The following DNMT3B variants were observed in gnomAD, a reference collection of about 807,000 sequenced individuals.
DNMT3B encodes the protein DNA methyltransferase 3 beta.
In DNMT3B, 37 loss-of-function variants were observed where a neutral mutation model predicts 120.2. That is an observed-to-expected ratio of 0.31 (90% CI 0.24 to 0.40). The LOEUF (loss-of-function observed/expected upper bound fraction) is 0.40. Ranked by LOEUF, DNMT3B falls within the 10% of genes least tolerant of loss-of-function variation. DNMT3B has a pLI of 1.00. For synonymous variants in DNMT3B, 412 were observed against 442.8 expected, an observed-to-expected ratio of 0.93 and a Z score of 0.87; for missense variants, 878 against 1,137.3, an observed-to-expected ratio of 0.77 and a Z score of 3.28.
Position 32,787,534 on chromosome 20 carries a change from CAG to C in DNMT3B, c.654+86_654+87del. On this transcript the variant is annotated intron_variant, in intron 6 of 22. Coordinates refer to ENST00000328111, the MANE Select transcript of DNMT3B (RefSeq NM_006892.4). ...ACCAGTTACCTGCTACTGTTGGTAA[CAG>C]AGCGACAACAGTTGTTAGAAGTTTC... 6 of 1,433,926 alleles carry C rather than the reference CAG, an allele frequency of 4.2e-6. No individual in the cohort carries two copies. In the South Asian group the frequency reaches 4.8e-5, roughly 12 times the overall value. 88.8% of individuals were successfully genotyped at this position (1,433,926 alleles called of 1,614,324 possible). A position where few individuals can be genotyped will look rare whatever the true frequency, so the allele number is the denominator to read the frequency against.
At chr20:32,799,936 T>TGTTTATCTGGCATAC (rs1981115924) in intron 16 of DNMT3B, among the ~76,000 whole-genome samples, 6 of 52,452 alleles carry the variant, frequency 1.1e-4, no homozygotes, top group African/African-American at 4.1e-4. Flanking sequence ...ATAAACTAGT[T>TGTTTATCTGGCATAC]AACAACTACT....
chr20:32,788,811 G>A, intron 6 of DNMT3B, 43 bp from the exon 7 acceptor site: 2 of 1,613,886 alleles, frequency 1.2e-6, no homozygotes, highest in Non-Finnish European at 1.7e-6. Context: ...GGCCCAGGAT[G>A]GCCTCTCCTC....
chr20:32,769,153 C>G (rs769738670), intron 1 of DNMT3B, among the ~76,000 whole-genome samples: 1 of 151,722 alleles, frequency 6.6e-6, no homozygotes, highest in Admixed American at 6.6e-5. Context: ...GGCGAGATCT[C>G]GGCTCACTGC....
chr20:32,782,224 A>G (rs989951077), intron 3 of DNMT3B, among the ~76,000 whole-genome samples: 2 of 152,222 alleles, frequency 1.3e-5, no homozygotes, highest in Non-Finnish European at 2.9e-5. Context: ...TAGGTGGAAG[A>G]CATGAACAGA....
intron 8 of DNMT3B, 108 bp downstream of exon 8, chr20:32,791,816 G>A: frequency 8.1e-7 from 1 of 1,233,032 alleles, no homozygotes; most frequent in Non-Finnish European, 1.2e-6. Context: ...AGGGGACAGG[G>A]TGGCCAGGGA....
chr20:32,802,510 T>G, intron 20 of DNMT3B, 40 bp downstream of exon 20: 1 of 1,573,516 alleles, frequency 6.4e-7, no homozygotes, highest in East Asian at 2.2e-5. Context: ...ACAGCCAAGT[T>G]AAATATGTGA....
chr20:32,781,878 T>G (rs1247148625), intron 3 of DNMT3B, among the ~76,000 whole-genome samples: 1 of 152,196 alleles, frequency 6.6e-6, no homozygotes, highest in East Asian at 1.9e-4. Context: ...CGTGATCAGA[T>G]CAGTTGCAGT....
rs769272662 is a variant in DNMT3B, at chr20:32,796,759, G to A, written c.1298-31G>A. On this transcript the variant is annotated intron_variant, in intron 12 of 22. Coordinates refer to ENST00000328111, the MANE Select transcript of DNMT3B (RefSeq NM_006892.4). The stretch of plus-strand genomic sequence containing the variant: ...AGCAGCTGGTGTCAGGGCCTCAACT[G>A]CCAAAAGCCACAACCCTGTTTTTCT... The A allele has an allele frequency of 3.7e-6, 6 of 1,613,714 alleles. No homozygotes were observed. In the South Asian group the frequency reaches 5.5e-5, roughly 15 times the overall value.
chr20:32,784,843 G>A lies in DNMT3B; in HGVS notation c.290G>A (p.Arg97His), dbSNP rs200902224. Reference protein sequence around the residue: ...MPKLFRETRTRSESPAVRTRN... With the variant: ...MPKLFRETRTHSESPAVRTRN... ...AAGCTCTTCCGGGAAACCAGGACTC[G>A]TTCAGAAAGCCCAGCTGTAAGTAGC... The change falls in exon 4 of 23, where the codon CGT (arginine) becomes CAT (histidine). Residue 97 changes from arginine to histidine, a missense_variant. Around this residue, in one of 4 missense-constraint regions of DNMT3B, gnomAD observed 287 missense variants for 306.2 expected, o/e 0.94. Transcript: ENST00000328111. 4.4e-5 allele frequency: 71 copies of A among 1,614,054 alleles called. No individual in the cohort carries two copies. The highest frequency in any genetic ancestry group is 3.8e-4 in the Admixed American group (23 of 60,016).
rs767169467 is a variant in DNMT3B, at chr20:32,802,487, A to G, written c.2231+17A>G. ...GATGAACAGGTAACAAAGGGCTCTT[A>G]GTGGGTCAGGTAACAGCCAAGTTAA... On this transcript the variant is annotated intron_variant, in intron 20 of 22. Coordinates refer to ENST00000328111, the MANE Select transcript of DNMT3B (RefSeq NM_006892.4). The G allele has an allele frequency of 3.1e-6, 5 of 1,613,110 alleles. No individual in the cohort carries two copies. The highest frequency in any genetic ancestry group is 1.3e-5 in the African/African-American group (1 of 74,926).
In DNMT3B at chr20:32,803,633, G is replaced by A. The variant is rs149968481; in HGVS notation, c.2231+1163G>A. On this transcript the variant is annotated intron_variant, in intron 20 of 22. Transcript: ENST00000328111. ...CAATGATTTGGGGTTTATTGCTGGCGGATGGACATTGGAAGGGTTGATGGG... is the reference window on the plus strand; with the variant it reads ...CAATGATTTGGGGTTTATTGCTGGCAGATGGACATTGGAAGGGTTGATGGG... Among the ~76,000 whole-genome samples the A allele has an allele frequency of 8.5e-5, 13 of 152,280 alleles. No individual in the cohort carries two copies. The East Asian group carries it at 1.9e-3, about 23-fold the overall frequency.
At chr20:32,775,923 C>T (rs778043973) in intron 1 of DNMT3B, among the ~76,000 whole-genome samples, 1 of 152,192 alleles carries the variant, frequency 6.6e-6, no homozygotes, top group Non-Finnish European at 1.5e-5. Flanking sequence ...AGACCTGCCC[C>T]AGGATGGGGT....
intron 14 of DNMT3B, among the ~76,000 whole-genome samples, chr20:32,797,604 C>T (rs1223879052): frequency 6.6e-6 from 1 of 152,130 alleles, no homozygotes; most frequent in African/African-American, 2.4e-5. Context: ...AGCAATCCTC[C>T]CACCTCAGCC....
At chr20:32,798,784 A>G in intron 15 of DNMT3B, 141 bp downstream of exon 15, 1 of 1,238,306 alleles carries the variant, frequency 8.1e-7, no homozygotes, top group South Asian at 1.3e-5. Context: ...GACCTGGCGA[A>G]TTGCCAGCTC....
At chr20:32,780,104 C>T in intron 1 of DNMT3B, 1 of 1,613,324 alleles carries the variant, frequency 6.2e-7, no homozygotes, top group Non-Finnish European at 8.5e-7. Context: ...GCCTTCGGGA[C>T]AGCCTGTCCA....
In DNMT3B at chr20:32,805,215, T is replaced by C. The variant is rs768875941; in HGVS notation, c.2232-123T>C. On this transcript the variant is annotated intron_variant, in intron 20 of 22. Transcript: ENST00000328111. ...GCTCATGCCAGGATCATTTTCATCA[T>C]TTATTTGTAGCCAAGTTCACTGCCA... 34 of 1,243,178 alleles carry C rather than the reference T, an allele frequency of 2.7e-5. No individual in the cohort carries two copies. The South Asian group carries it at 3.0e-4, about 11-fold the overall frequency. The allele number at this position is 1,243,178 out of a possible 1,614,324, so 77.0% of individuals were successfully genotyped here. A position where few individuals can be genotyped will look rare whatever the true frequency, so the allele number is the denominator to read the frequency against.
In DNMT3B at chr20:32,807,909, G is replaced by T; in HGVS notation, c.*6G>T. 6.2e-7 allele frequency: 1 copy of T among 1,614,164 alleles called. No individual in the cohort carries two copies. The highest frequency in any genetic ancestry group is 1.1e-5 in the South Asian group (1 of 91,082). ...ACTACTTTGCATGTGAATAGTTCCAGCCAGGCCCCAAGCCCACTGGGGTGT... is the reference window on the plus strand; with the variant it reads ...ACTACTTTGCATGTGAATAGTTCCATCCAGGCCCCAAGCCCACTGGGGTGT... On this transcript the variant is annotated 3_prime_UTR_variant, in exon 23 of 23. Transcript: ENST00000328111.
intron 1 of DNMT3B, among the ~76,000 whole-genome samples, chr20:32,774,878 C>T (rs1987990584): frequency 6.6e-6 from 1 of 152,080 alleles, no homozygotes. Flanking sequence ...ACCACCACGA[C>T]CGGCTAATTT....
intron 1 of DNMT3B, chr20:32,779,988 G>A: frequency 7.9e-7 from 1 of 1,258,756 alleles, no homozygotes; most frequent in Non-Finnish European, 1.1e-6. Context: ...GGGACAGGCA[G>A]GTCCTAAATG....
Sources: gnomAD v4.1 joint callset for allele counts (sites outside exome capture counted in the v4.1 genomes callset) on GRCh38, gnomAD v4.1.1 for gene constraint, gnomAD v4.1.1 regional missense constraint, MANE v1.5 for transcripts, NCBI Gene and HGNC (gene_info 2026-07-23, HGNC 2026-07-21) for gene names.